SMC6: variants seen among roughly 807,000 people sequenced by gnomAD.
SMC6 encodes the protein structural maintenance of chromosomes 6, also known as structural maintenance of chromosomes protein 6.
In SMC6, 79 loss-of-function variants were observed where a neutral mutation model predicts 142.2. The ratio of observed to expected loss-of-function variants is 0.56; its 90% CI spans 0.46 to 0.67. The LOEUF is 0.67. Ranked by LOEUF, SMC6 falls within the 30% of genes least tolerant of loss-of-function variation. SMC6 has a pLI of 0.00. For missense variants in SMC6, 1,072 were observed against 1,284.0 expected, an observed-to-expected ratio of 0.83 and a Z score of 2.52; for synonymous variants, 411 against 412.4, an observed-to-expected ratio of 1.00 and a Z score of 0.04.
At chr2:17,719,092 G>A (rs149790956) in intron 11 of SMC6, among the ~76,000 whole-genome samples, 1 of 152,178 alleles carries the variant, frequency 6.6e-6, no homozygotes, top group Non-Finnish European at 1.5e-5. Context: ...CTTTCTACAA[G>A]GAGCTAGATA....
intron 20 of SMC6, among the ~76,000 whole-genome samples, chr2:17,701,142 T>TA (rs901840229): frequency 6.6e-6 from 1 of 151,536 alleles, no homozygotes; most frequent in Non-Finnish European, 1.5e-5. Context: ...AGACTACTAG[T>TA]AAAAAATGGA....
At chr2:17,711,008 G>A (rs537337892) in intron 16 of SMC6, among the ~76,000 whole-genome samples, 166 of 152,218 alleles carry the variant, frequency 1.1e-3, no homozygotes, top group African/African-American at 3.9e-3. Flanking sequence ...AACAAAGTAC[G>A]GAACAAGGAG....
intron 24 of SMC6, among the ~76,000 whole-genome samples, chr2:17,682,760 T>C (rs1667289554): frequency 6.6e-6 from 1 of 151,970 alleles, no homozygotes; most frequent in Non-Finnish European, 1.5e-5. Context: ...AGGCTAAAAG[T>C]AGCCTCAAAA....
intron 4 of SMC6, among the ~76,000 whole-genome samples, chr2:17,738,813 C>T (rs547917954): frequency 9.2e-5 from 14 of 152,124 alleles, no homozygotes; most frequent in African/African-American, 2.4e-4. Flanking sequence ...TCACTATGCC[C>T]GGCTAATTTT....
At position 17,678,916 on chromosome 2, in the gene SMC6, C is replaced by A. The variant is rs1221644068; in HGVS notation, c.2853G>T (p.Gln951His). ...CKLYFDNLLS[Q>H]RAYCGKMNFD... ...AATTCATTTTTCCACAATAGGCCCGCTGAGATAGTAAGTTGTCAAAGTATA... is the reference window on the plus strand; with the variant it reads ...AATTCATTTTTCCACAATAGGCCCGATGAGATAGTAAGTTGTCAAAGTATA... Residue 951 changes from glutamine (Q) to histidine (H), a missense_variant, in exon 25 of 28, where the codon CAG becomes CAT. Coordinates refer to ENST00000448223, the MANE Select transcript of SMC6 (RefSeq NM_001142286.2). The A allele has an allele frequency of 1.2e-6, 2 of 1,612,534 alleles. No individual in the cohort carries two copies. Among genetic ancestry groups the A allele is most frequent in the Non-Finnish European group, 1.7e-6 (2 of 1,179,340 alleles).
Position 17,745,830 on chromosome 2 carries a change from A to C in SMC6, c.117T>G (p.Thr39=), listed in dbSNP as rs1572366662. 6.2e-7 allele frequency: 1 copy of C among 1,607,660 alleles called. No homozygotes were observed. Among genetic ancestry groups the C allele is most frequent in the East Asian group, 2.2e-5 (1 of 44,564 alleles). The change falls in exon 3 of 28, where the codon ACT becomes ACG. Residue 39 remains threonine (T), a synonymous_variant. Transcript: ENST00000448223. ...AATTTTGTAATTTTTCGCTTACCAA[A>C]GTAGTACCTTTACATTCGTCTTCGT... ...DGDEDECKGT[T]LTAAEVGIIE...
intron 5 of SMC6, 151 bp from the exon 6 acceptor site, chr2:17,732,028 C>A: frequency 1.5e-6 from 1 of 682,514 alleles, no homozygotes; most frequent in South Asian, 2.1e-5. Flanking sequence ...ACTGATTGTT[C>A]ACTACAGCAT....
intron 7 of SMC6, among the ~76,000 whole-genome samples, chr2:17,729,415 A>G (rs1002821402): frequency 2.6e-5 from 4 of 152,214 alleles, no homozygotes; most frequent in African/African-American, 9.6e-5. Flanking sequence ...AGGAAGTGAG[A>G]GCTTACAGAA....
chr2:17,682,180 C>G (rs1667267291), intron 24 of SMC6, among the ~76,000 whole-genome samples: 1 of 152,166 alleles, frequency 6.6e-6, no homozygotes, highest in South Asian at 2.1e-4. Context: ...TTCTAGTTCT[C>G]TTGCCACTTC....
chr2:17,722,671 C>T (rs1417325931), intron 9 of SMC6, among the ~76,000 whole-genome samples: 1 of 152,168 alleles, frequency 6.6e-6, no homozygotes, highest in South Asian at 2.1e-4. Flanking sequence ...TGAGTTTTGT[C>T]AATTCATGTA....
intron 23 of SMC6, among the ~76,000 whole-genome samples, chr2:17,691,797 T>A (rs1667745104): frequency 6.6e-6 from 1 of 152,172 alleles, no homozygotes; most frequent in African/African-American, 2.4e-5. Flanking sequence ...ATGACATGAT[T>A]GTATATCTAG....
At chr2:17,735,399 T>C (rs1039119060) in intron 5 of SMC6, among the ~76,000 whole-genome samples, 1 of 152,158 alleles carries the variant, frequency 6.6e-6, no homozygotes, top group African/African-American at 2.4e-5. Context: ...GAACAAGGAA[T>C]AAGAAAAGTC....
chr2:17,726,543 A>G, intron 7 of SMC6, 74 bp from the exon 8 acceptor site: 1 of 1,237,722 alleles, frequency 8.1e-7, no homozygotes, highest in Non-Finnish European at 1.2e-6. Flanking sequence ...TGAAACATAC[A>G]TTACAAGTGA....
rs761852208 is a variant in SMC6, at chr2:17,747,103, T to C, written c.-5-1152A>G. On this transcript the variant is annotated intron_variant, in intron 2 of 27. Transcript: ENST00000448223. ...TATGTAGACAAGTAGGGAGCCATGA[T>C]AATGGTGTCAGCGGAGACCACCTAG... is the stretch of plus-strand genomic sequence containing the variant. Among the ~76,000 whole-genome samples, 3 of 152,184 alleles carry C rather than the reference T, an allele frequency of 2.0e-5. No homozygotes were observed. The East Asian group carries it at 5.8e-4, about 29-fold the overall frequency.
At chr2:17,705,515 C>T (rs1418230798) in intron 18 of SMC6, among the ~76,000 whole-genome samples, 1 of 152,036 alleles carries the variant, frequency 6.6e-6, no homozygotes, top group African/African-American at 2.4e-5. Context: ...CTGCAGTGAG[C>T]CAAGATCCTG....
At chr2:17,752,571 C>T (rs1671100122) in intron 2 of SMC6, among the ~76,000 whole-genome samples, 1 of 152,184 alleles carries the variant, frequency 6.6e-6, no homozygotes, top group South Asian at 2.1e-4. Context: ...AGGCAATATA[C>T]TAGTGGCCTC....
At chr2:17,669,026 T>C (rs559122608) in intron 26 of SMC6, among the ~76,000 whole-genome samples, 8 of 152,112 alleles carry the variant, frequency 5.3e-5, no homozygotes, top group Non-Finnish European at 8.8e-5. Flanking sequence ...ACCACAGGTA[T>C]GAGGCGAAGA....
chr2:17,667,427 C>T (rs1201820682), intron 26 of SMC6, among the ~76,000 whole-genome samples: 1 of 152,156 alleles, frequency 6.6e-6, no homozygotes, highest in Non-Finnish European at 1.5e-5. Context: ...ATGGTCTAGA[C>T]CTGTGGCTAC....
chr2:17,698,087 A>C (rs1668094112), intron 21 of SMC6, among the ~76,000 whole-genome samples: 1 of 152,106 alleles, frequency 6.6e-6, no homozygotes, highest in African/African-American at 2.4e-5. Context: ...TGGAATAGGC[A>C]ATCTATAGAG....
Sources: gnomAD v4.1 joint callset for allele counts (sites outside exome capture counted in the v4.1 genomes callset) on GRCh38, gnomAD v4.1.1 for gene constraint, MANE v1.5 for transcripts, NCBI Gene and HGNC (gene_info 2026-07-23, HGNC 2026-07-21) for gene names.